Variants in IQCM observed in about 807,000 individuals in gnomAD.
IQCM encodes IQ motif containing M, also known as IQ domain-containing protein M.
In IQCM, 45 loss-of-function variants were observed where a neutral mutation model predicts 57.6. The ratio of observed to expected loss-of-function variants is 0.78; its 90% CI spans 0.62 to 1.00. The LOEUF is 1.00. Among genes scored for constraint, IQCM ranks in the 50% least tolerant of loss-of-function variants. The pLI, the probability that IQCM is intolerant of heterozygous loss-of-function variation, is 0.00. For synonymous variants in IQCM, 148 were observed against 158.9 expected, an observed-to-expected ratio of 0.93 and a Z score of 0.51; for missense variants, 468 against 511.6, an observed-to-expected ratio of 0.91 and a Z score of 0.82.
At chr4:149,548,650 T>A in intron 11 of IQCM, 61 bp from the exon 12 acceptor site, 1 of 813,406 alleles carries the variant, frequency 1.2e-6, no homozygotes, top group Non-Finnish European at 1.6e-6. Flanking sequence ...GTAAAAACTT[T>A]AACTCTAGCT....
intron 7 of IQCM, among the ~76,000 whole-genome samples, chr4:149,638,047 G>A (rs1317363498): frequency 1.3e-5 from 2 of 152,078 alleles, no homozygotes; most frequent in East Asian, 3.9e-4. Context: ...CATGACAAAG[G>A]ACTTAAATTC....
chr4:149,647,372 T>A (rs1404456434), intron 7 of IQCM, among the ~76,000 whole-genome samples: 1 of 152,138 alleles, frequency 6.6e-6, no homozygotes, highest in Non-Finnish European at 1.5e-5. Context: ...ACAGTTTTAC[T>A]ATTTCCTTCA....
intron 2 of IQCM, among the ~76,000 whole-genome samples, chr4:149,790,659 A>G (rs527665963): frequency 6.6e-6 from 1 of 152,348 alleles, no homozygotes; most frequent in African/African-American, 2.4e-5. Flanking sequence ...AAATGAAGTT[A>G]CTGTGATTTT....
At chr4:149,604,833 C>G (rs1042977859) in intron 8 of IQCM, among the ~76,000 whole-genome samples, 1 of 152,086 alleles carries the variant, frequency 6.6e-6, no homozygotes, top group Non-Finnish European at 1.5e-5. Context: ...GTTCCCTTTA[C>G]TAGAGAACAA....
At chr4:149,726,084 A>T (rs923480769) in intron 5 of IQCM, among the ~76,000 whole-genome samples, 35 of 126,070 alleles carry the variant, frequency 2.8e-4, no homozygotes, top group African/African-American at 9.4e-4. Flanking sequence ...AGAAAGAAAG[A>T]AAGAAAGAAA....
intron 8 of IQCM, 141 bp from the exon 9 acceptor site, chr4:149,588,138 A>AT (rs1752807670): frequency 2.5e-6 from 1 of 397,124 alleles, no homozygotes; most frequent in Admixed American, 4.5e-5. Flanking sequence ...ATTTATATAC[A>AT]TTTTTTAGTA....
chr4:149,693,891 AT>A (rs958487685), intron 5 of IQCM, among the ~76,000 whole-genome samples: 1 of 152,150 alleles, frequency 6.6e-6, no homozygotes, highest in Non-Finnish European at 1.5e-5. Flanking sequence ...ATTGTTCCCC[AT>A]TTTGCTAGTC....
intron 7 of IQCM, among the ~76,000 whole-genome samples, chr4:149,660,100 T>C (rs1223390154): frequency 6.7e-6 from 1 of 150,344 alleles, no homozygotes; most frequent in Admixed American, 6.6e-5. Context: ...AGGGCTAATA[T>C]CCAGAATCTA....
At chr4:149,712,904 A>G (rs1764681318) in intron 5 of IQCM, among the ~76,000 whole-genome samples, 1 of 152,130 alleles carries the variant, frequency 6.6e-6, no homozygotes, top group African/African-American at 2.4e-5. Flanking sequence ...TCTGGTACAA[A>G]TTAACTGCCT....
chr4:149,678,357 A>G (rs1761924308), intron 7 of IQCM, among the ~76,000 whole-genome samples: 1 of 151,938 alleles, frequency 6.6e-6, no homozygotes, highest in Admixed American at 6.6e-5. Context: ...CATACATGCC[A>G]GGAGAAAATA....
At chr4:149,741,749 A>G (rs1442023970) in intron 3 of IQCM, among the ~76,000 whole-genome samples, 4 of 152,192 alleles carry the variant, frequency 2.6e-5, no homozygotes, top group African/African-American at 9.7e-5. Context: ...TAAAAGAAAT[A>G]TAATGTGTAA....
chr4:149,361,989 C>T (rs938255493), intron 13 of IQCM, among the ~76,000 whole-genome samples: 7 of 152,116 alleles, frequency 4.6e-5, no homozygotes, highest in Non-Finnish European at 7.4e-5. Context: ...TGGAGCTGCC[C>T]AAGACCATGG....
At chr4:149,732,482 T>C (rs1047429474) in intron 5 of IQCM, among the ~76,000 whole-genome samples, 2 of 152,194 alleles carry the variant, frequency 1.3e-5, no homozygotes, top group African/African-American at 4.8e-5. Context: ...ACTGTTACAC[T>C]GTATAGTAAG....
At chr4:149,692,165 C>T (rs1377094211) in intron 5 of IQCM, among the ~76,000 whole-genome samples, 1 of 152,158 alleles carries the variant, frequency 6.6e-6, no homozygotes, top group Non-Finnish European at 1.5e-5. Context: ...TCTTCCCCTG[C>T]CACAGTGCCC....
chr4:149,364,937 GC>G (rs1379203358), intron 13 of IQCM, among the ~76,000 whole-genome samples: 1 of 151,732 alleles, frequency 6.6e-6, no homozygotes, highest in Non-Finnish European at 1.5e-5. Flanking sequence ...GAAACTGGAG[GC>G]TAAAGACAAA....
intron 9 of IQCM, among the ~76,000 whole-genome samples, chr4:149,575,695 T>G (rs1561010351): frequency 6.6e-6 from 1 of 151,846 alleles, no homozygotes. Context: ...GGATGGAGAT[T>G]GATATCCCAT....
intron 13 of IQCM, among the ~76,000 whole-genome samples, chr4:149,430,635 C>T (rs1734770677): frequency 6.6e-6 from 1 of 151,938 alleles, no homozygotes; most frequent in Admixed American, 6.6e-5. Flanking sequence ...CACTCGCATA[C>T]TTATTTTGAG....
At chr4:149,491,877 T>G (rs1306708088) in intron 12 of IQCM, among the ~76,000 whole-genome samples, 4 of 152,120 alleles carry the variant, frequency 2.6e-5, no homozygotes, top group African/African-American at 9.7e-5. Context: ...CTACCATTTT[T>G]TTCAAGGGTT....
intron 12 of IQCM, among the ~76,000 whole-genome samples, chr4:149,526,235 A>G (rs1219424489): frequency 6.6e-6 from 1 of 151,990 alleles, no homozygotes; most frequent in East Asian, 1.9e-4. Context: ...TAAGGGCACC[A>G]AACTATAAAC....
Sources: gnomAD v4.1 joint callset for allele counts (sites outside exome capture counted in the v4.1 genomes callset) on GRCh38, gnomAD v4.1.1 for gene constraint, MANE v1.5 for transcripts, NCBI Gene and HGNC (gene_info 2026-07-23, HGNC 2026-07-21) for gene names.